The following CMTM8 variants were observed in gnomAD, a reference collection of about 807,000 sequenced individuals.
CMTM8 encodes the protein CKLF-like MARVEL transmembrane domain-containing protein 8.
A neutral mutation model predicts 18.6 loss-of-function variants in CMTM8; 12 were observed. That is an observed-to-expected ratio of 0.65 (90% CI 0.41 to 1.05). The LOEUF is 1.05. Among genes scored for constraint, CMTM8 ranks in the 50% least tolerant of loss-of-function variants. The pLI, the probability that CMTM8 is intolerant of heterozygous loss-of-function variation, is 0.00. For synonymous variants in CMTM8, 87 were observed against 90.6 expected, an observed-to-expected ratio of 0.96 and a Z score of 0.23; for missense variants, 217 against 227.2, an observed-to-expected ratio of 0.95 and a Z score of 0.29.
At chr3:32,266,328 A>G (rs1202655567) in intron 1 of CMTM8, among the ~76,000 whole-genome samples, 1 of 152,268 alleles carries the variant, frequency 6.6e-6, no homozygotes, top group Non-Finnish European at 1.5e-5. Flanking sequence ...ATAATCCTGC[A>G]TATAAACAGA....
intron 1 of CMTM8, among the ~76,000 whole-genome samples, chr3:32,297,598 C>T (rs1029799366): frequency 1.6e-4 from 25 of 151,986 alleles, no homozygotes; most frequent in Admixed American, 1.6e-3. Flanking sequence ...GCAGCAGCCC[C>T]GTCTGGGGTG....
chr3:32,341,347 C>T (rs1219771767), intron 1 of CMTM8, among the ~76,000 whole-genome samples: 1 of 152,180 alleles, frequency 6.6e-6, no homozygotes, highest in Non-Finnish European at 1.5e-5. Flanking sequence ...TCCCTAAGAA[C>T]ACGGCAGGAG....
At chr3:32,280,846 C>CAAAAAAAAAAAAAAAA (rs60845487) in intron 1 of CMTM8, among the ~76,000 whole-genome samples, 6 of 68,138 alleles carry the variant, frequency 8.8e-5, no homozygotes, top group Non-Finnish European at 1.6e-4. Flanking sequence ...AGAAAATAGG[C>CAAAAAAAAAAAAAAAA]AAAAAAAAAA....
At chr3:32,248,818 G>A (rs1702077270) in intron 1 of CMTM8, among the ~76,000 whole-genome samples, 1 of 151,920 alleles carries the variant, frequency 6.6e-6, no homozygotes, top group Non-Finnish European at 1.5e-5. Flanking sequence ...CTACAGGTGT[G>A]GGCCACTATG....
chr3:32,281,831 A>G (rs1056628977), intron 1 of CMTM8, among the ~76,000 whole-genome samples: 8 of 151,538 alleles, frequency 5.3e-5, no homozygotes, highest in African/African-American at 1.9e-4. Context: ...CCTCCCCTCA[A>G]TCCTTTAAAT....
chr3:32,247,757 A>G (rs1225851719), intron 1 of CMTM8, among the ~76,000 whole-genome samples: 1 of 152,228 alleles, frequency 6.6e-6, no homozygotes, highest in Non-Finnish European at 1.5e-5. Context: ...CACCAGACCC[A>G]GCTGAATATT....
At chr3:32,367,308 A>G (rs3867380) in intron 2 of CMTM8, among the ~76,000 whole-genome samples, 47,353 of 152,162 alleles carry the variant, frequency 0.31, 7,493 homozygotes, top group East Asian at 0.53. Context: ...CAAATAAGGT[A>G]AAGCCAAGGG....
At chr3:32,344,079 A>G (rs17029241) in intron 1 of CMTM8, among the ~76,000 whole-genome samples, 7,937 of 152,302 alleles carry the variant, frequency 0.052, 270 homozygotes, top group East Asian at 0.14. Flanking sequence ...GAACAGCAAG[A>G]TATGGCGATA....
intron 1 of CMTM8, among the ~76,000 whole-genome samples, chr3:32,310,726 C>CT (rs5847754): frequency 0.11 from 17,025 of 152,054 alleles, 1,229 homozygotes; most frequent in East Asian, 0.42. Flanking sequence ...AGGAAATACT[C>CT]TGACTTGTTT....
intron 1 of CMTM8, among the ~76,000 whole-genome samples, chr3:32,278,708 G>A (rs563365501): frequency 1.6e-3 from 239 of 152,256 alleles, no homozygotes; most frequent in Middle Eastern, 3.4e-3. Flanking sequence ...TATATAAGCT[G>A]CCAATTTTAC....
At position 32,252,044 on chromosome 3, in the gene CMTM8, C is replaced by T. The variant is rs556970929; in HGVS notation, c.147+12925C>T. Among the ~76,000 whole-genome samples the T allele has an allele frequency of 1.4e-4, 22 of 152,070 alleles. No individual in the cohort carries two copies. In the East Asian group the frequency reaches 3.3e-3, roughly 23 times the overall value. ...AGTGGAGGTTGCAGTGAGCCATGAC[C>T]GTGCTGTCACTGCACTCCAGCCTGG... On this transcript the variant is annotated intron_variant, in intron 1 of 3. Coordinates refer to ENST00000307526, the MANE Select transcript of CMTM8 (RefSeq NM_178868.5).
At chr3:32,338,758 A>G (rs1381122889) in intron 1 of CMTM8, among the ~76,000 whole-genome samples, 1 of 152,230 alleles carries the variant, frequency 6.6e-6, no homozygotes, top group Admixed American at 6.5e-5. Context: ...AGCCTAAAGC[A>G]GCAGAAGACA....
At chr3:32,324,585 CT>C (rs1027118278) in intron 1 of CMTM8, among the ~76,000 whole-genome samples, 1 of 152,158 alleles carries the variant, frequency 6.6e-6, no homozygotes, top group African/African-American at 2.4e-5. Flanking sequence ...GCAGATGGTC[CT>C]TTTTTTCCTC....
intron 1 of CMTM8, among the ~76,000 whole-genome samples, chr3:32,301,366 A>G (rs1053653183): frequency 3.5e-5 from 4 of 114,466 alleles, no homozygotes; most frequent in Admixed American, 3.2e-4. Flanking sequence ...ATACTTTGAC[A>G]GCTGTATATA....
rs141490233 is a variant in CMTM8 at position 32,276,654 on chromosome 3, C to T, written c.147+37535C>T. On this transcript the variant is annotated intron_variant, in intron 1 of 3. Coordinates refer to ENST00000307526, the MANE Select transcript of CMTM8 (RefSeq NM_178868.5). ...GCTGGGGCCCCAGGCAATGCTGATG[C>T]CACTTTGGTTGTTTTCTTGTAACCC... Among the ~76,000 whole-genome samples, 858 of 152,190 alleles carry T rather than the reference C, an allele frequency of 5.6e-3. 10 individuals carry two copies. Among genetic ancestry groups the T allele is most frequent in the Non-Finnish European group, 9.5e-3 (647 of 68,004 alleles).
chr3:32,305,482 G>A lies in CMTM8; in HGVS notation c.148-51891G>A, dbSNP rs79197236. ...ACTGACAAATATGTGCAGTGTATGA[G>A]ATACTGGGTGTTCCAAGAAAATGAA... On this transcript the variant is annotated intron_variant, in intron 1 of 3. Transcript: ENST00000307526. Among the ~76,000 whole-genome samples, 357 of 152,308 alleles carry A rather than the reference G, an allele frequency of 2.3e-3. 1 individual carries two copies. Among genetic ancestry groups the A allele is most frequent in the African/African-American group, 7.6e-3 (315 of 41,564 alleles).
chr3:32,309,494 G>A (rs1181565640), intron 1 of CMTM8, among the ~76,000 whole-genome samples: 2 of 151,760 alleles, frequency 1.3e-5, no homozygotes, highest in African/African-American at 4.8e-5. Flanking sequence ...TTTTAGTAGA[G>A]ACAGTGTTTT....
At chr3:32,327,382 A>G (rs547013586) in intron 1 of CMTM8, among the ~76,000 whole-genome samples, 2 of 152,350 alleles carry the variant, frequency 1.3e-5, no homozygotes, top group South Asian at 2.1e-4. Flanking sequence ...TTTAAAAGAT[A>G]TTAGAAAGGC....
chr3:32,271,195 C>T (rs1020432570), intron 1 of CMTM8, among the ~76,000 whole-genome samples: 2 of 152,162 alleles, frequency 1.3e-5, no homozygotes, highest in African/African-American at 4.8e-5. Flanking sequence ...GGCGTGATCT[C>T]AGCTCACCAC....
Sources: gnomAD v4.1 joint callset for allele counts (sites outside exome capture counted in the v4.1 genomes callset) on GRCh38, gnomAD v4.1.1 for gene constraint, MANE v1.5 for transcripts, NCBI Gene and HGNC (gene_info 2026-07-23, HGNC 2026-07-21) for gene names.